PATJ: variants seen among roughly 807,000 people sequenced by gnomAD.
PATJ encodes inaD-like protein.
In PATJ, 190 loss-of-function variants were observed where a neutral mutation model predicts 224.9. The observed-to-expected ratio is 0.84, with a 90% CI of 0.75 to 0.95. The LOEUF (loss-of-function observed/expected upper bound fraction) is 0.95. PATJ is among the 40% of genes least tolerant of loss of function. The pLI, the probability that PATJ is intolerant of heterozygous loss-of-function variation, is 0.00. For synonymous variants in PATJ, 769 were observed against 820.3 expected, an observed-to-expected ratio of 0.94 and a Z score of 1.07; for missense variants, 2,121 against 2,270.3, an observed-to-expected ratio of 0.93 and a Z score of 1.34.
chr1:62,017,965 G>C lies in PATJ; in HGVS notation c.3959+18G>C. 6.8e-7 allele frequency: 1 copy of C among 1,468,576 alleles called. No individual in the cohort carries two copies. Among genetic ancestry groups the C allele is most frequent in the South Asian group, 1.1e-5 (1 of 87,754 alleles). The allele number at this position is 1,468,576 out of a possible 1,614,324, so 91.0% of individuals were successfully genotyped here. Reference sequence around the variant, plus strand: ...TTCATCAGGTAAGATTGCTAGATCTGGTTTTGCAAAATCAAAGACCTCTTC... The same window carrying C: ...TTCATCAGGTAAGATTGCTAGATCTCGTTTTGCAAAATCAAAGACCTCTTC... On this transcript the variant is annotated intron_variant, in intron 29 of 43. Transcript: ENST00000642238.
chr1:62,128,984 A>G (rs754058616), intron 41 of PATJ, 39 bp downstream of exon 41: 3 of 1,355,316 alleles, frequency 2.2e-6, no homozygotes, highest in Admixed American at 1.7e-5. Flanking sequence ...TGCAAGGCAG[A>G]TAAGTGGCAT....
rs143257617 is a variant in PATJ at position 62,066,984 on chromosome 1, C to T, written c.4126-12466C>T. On this transcript the variant is annotated intron_variant, in intron 31 of 43. Coordinates refer to ENST00000642238, the MANE Select transcript of PATJ (RefSeq NM_001350145.3). Reference sequence around the variant, plus strand: ...CTCAAAGAACCAACCTTAGGTTCTACACTAGTGATGTTATCTACAATTGGG... The same window carrying T: ...CTCAAAGAACCAACCTTAGGTTCTATACTAGTGATGTTATCTACAATTGGG... 7.6e-3 allele frequency among the ~76,000 whole-genome samples: 1,157 copies of T among 152,182 alleles called. 22 individuals are homozygous for T. The highest frequency in any genetic ancestry group is 0.026 in the African/African-American group (1,093 of 41,510).
rs528846409 is a variant in PATJ at position 61,930,857 on chromosome 1, G to A, written c.3670+3028G>A. ...GGAGTAGCAGGGATTATAGGAATGCGCCACCACTAATTTTGTATTTTTAGT... is the reference window on the plus strand; with the variant it reads ...GGAGTAGCAGGGATTATAGGAATGCACCACCACTAATTTTGTATTTTTAGT... On this transcript the variant is annotated intron_variant, in intron 27 of 43. Coordinates refer to ENST00000642238, the MANE Select transcript of PATJ (RefSeq NM_001350145.3). Among the ~76,000 whole-genome samples, 255 of 152,130 alleles carry A rather than the reference G, an allele frequency of 1.7e-3. 1 individual carries two copies. Among genetic ancestry groups the A allele is most frequent in the African/African-American group, 5.5e-3 (229 of 41,496 alleles).
intron 20 of PATJ, among the ~76,000 whole-genome samples, chr1:61,870,619 A>G (rs940157915): frequency 6.6e-6 from 1 of 152,142 alleles, no homozygotes; most frequent in Non-Finnish European, 1.5e-5. Context: ...TTGTTTTTCC[A>G]TTCATCTGTT....
intron 42 of PATJ, among the ~76,000 whole-genome samples, chr1:62,150,519 TAA>T (rs1258884444): frequency 2.0e-5 from 3 of 151,828 alleles, no homozygotes; most frequent in Non-Finnish European, 2.9e-5. Context: ...GAGCCAGTTT[TAA>T]GAGAACTGGA....
intron 18 of PATJ, 69 bp downstream of exon 18, chr1:61,856,308 A>T: frequency 1.5e-6 from 2 of 1,296,242 alleles, no homozygotes; most frequent in Non-Finnish European, 2.2e-6. Flanking sequence ...GATTTTGGAG[A>T]CACATATACC....
At chr1:61,927,106 T>G (rs956068444) in intron 26 of PATJ, among the ~76,000 whole-genome samples, 1 of 152,218 alleles carries the variant, frequency 6.6e-6, no homozygotes, top group African/African-American at 2.4e-5. Flanking sequence ...CAAATATTGA[T>G]GTGCTGTATC....
intron 27 of PATJ, among the ~76,000 whole-genome samples, chr1:61,972,360 A>G (rs957789012): frequency 1.4e-4 from 22 of 152,090 alleles, no homozygotes. Flanking sequence ...TTTTCAGATT[A>G]GGAATGCTCA....
At chr1:61,787,091 G>T (rs1648716140) in intron 7 of PATJ, among the ~76,000 whole-genome samples, 1 of 152,144 alleles carries the variant, frequency 6.6e-6, no homozygotes. Flanking sequence ...GTGGATTATT[G>T]CTAAGGCCTC....
intron 20 of PATJ, among the ~76,000 whole-genome samples, chr1:61,871,510 C>CGTATATATGT (rs1666561756): frequency 1.2e-5 from 1 of 84,618 alleles, no homozygotes; most frequent in Non-Finnish European, 2.1e-5. Context: ...TACATATATA[C>CGTATATATGT]GCATATATAT....
At chr1:62,073,941 A>G (rs180796347) in intron 31 of PATJ, among the ~76,000 whole-genome samples, 5 of 152,296 alleles carry the variant, frequency 3.3e-5, no homozygotes, top group African/African-American at 7.2e-5. Flanking sequence ...CTTCTCTTAA[A>G]GAACTATAAA....
At chr1:61,861,509 A>C in intron 18 of PATJ, 42 bp from the exon 19 acceptor site, 1 of 922,730 alleles carries the variant, frequency 1.1e-6, no homozygotes, top group East Asian at 2.6e-5. Context: ...CCCACCCCAC[A>C]ATATTTTCTT....
intron 18 of PATJ, 86 bp downstream of exon 18, chr1:61,856,325 A>G (rs761871223): frequency 9.8e-5 from 104 of 1,061,926 alleles, no homozygotes; most frequent in Non-Finnish European, 1.4e-4. Flanking sequence ...TACCTGGCCA[A>G]GAATTTCTGT....
At chr1:62,043,117 C>T (rs1279134536) in intron 30 of PATJ, among the ~76,000 whole-genome samples, 1 of 152,168 alleles carries the variant, frequency 6.6e-6, no homozygotes, top group Non-Finnish European at 1.5e-5. Context: ...TACCTGTGGG[C>T]ATACAACCTT....
At chr1:62,068,087 G>A (rs567711076) in intron 31 of PATJ, among the ~76,000 whole-genome samples, 11 of 152,152 alleles carry the variant, frequency 7.2e-5, no homozygotes, top group Admixed American at 1.3e-4. Flanking sequence ...GAGCCACCGC[G>A]CCTGGCCTAA....
intron 9 of PATJ, among the ~76,000 whole-genome samples, chr1:61,793,518 C>T (rs1490807310): frequency 1.3e-5 from 2 of 151,902 alleles, no homozygotes; most frequent in African/African-American, 4.8e-5. Flanking sequence ...AGGCTGATGG[C>T]TCACTTGAGC....
intron 28 of PATJ, among the ~76,000 whole-genome samples, chr1:62,017,573 T>G (rs1405412033): frequency 6.7e-6 from 1 of 149,306 alleles, no homozygotes; most frequent in Non-Finnish European, 1.5e-5. Flanking sequence ...CTACTAAAAA[T>G]ACAAAAAAAT....
intron 27 of PATJ, among the ~76,000 whole-genome samples, chr1:61,987,693 G>C (rs1487150256): frequency 6.6e-6 from 1 of 151,990 alleles, no homozygotes; most frequent in Non-Finnish European, 1.5e-5. Flanking sequence ...TCTTATTTCT[G>C]ATCACCCACT....
At chr1:61,901,249 G>T in intron 23 of PATJ, 33 bp from the exon 24 acceptor site, 2 of 1,403,570 alleles carry the variant, frequency 1.4e-6, no homozygotes, top group South Asian at 3.1e-5. Context: ...TAAACTTGTT[G>T]ATGAGTGAGT....
Sources: allele counts gnomAD v4.1 joint callset (sites outside exome capture counted in the v4.1 genomes callset), GRCh38; gene constraint gnomAD v4.1.1; transcripts MANE v1.5; gene names NCBI Gene and HGNC (gene_info 2026-07-23, HGNC 2026-07-21).